The following COPG2 variants were observed in gnomAD, a reference collection of about 807,000 sequenced individuals.
COPG2 encodes the protein coat protein complex I subunit gamma 2, also known as coatomer subunit gamma-2.
COPG2 carries 37 observed loss-of-function variants against 46.3 expected under a neutral mutation model. The ratio of observed to expected loss-of-function variants is 0.80; its 90% CI spans 0.61 to 1.05. The LOEUF (loss-of-function observed/expected upper bound fraction) is 1.05, where lower values mean the gene tolerates loss of function less well. Ranked by LOEUF, COPG2 falls within the 50% of genes least tolerant of loss-of-function variation. The pLI, the probability that COPG2 is intolerant of heterozygous loss-of-function variation, is 0.00. For missense variants in COPG2, 427 were observed against 387.8 expected (o/e 1.10, Z -0.85); for synonymous variants, 159 against 129.7 (o/e 1.23, Z -1.53).
intron 20 of COPG2, among the ~76,000 whole-genome samples, chr7:130,513,438 C>T (rs1799644966): frequency 7.1e-6 from 1 of 140,456 alleles, no homozygotes; most frequent in South Asian, 2.3e-4. Flanking sequence ...TAGGGAAGGG[C>T]ATTAAAGAGG....
intron 9 of COPG2, among the ~76,000 whole-genome samples, chr7:130,580,180 G>C (rs1391644871): frequency 6.6e-6 from 1 of 152,076 alleles, no homozygotes; most frequent in African/African-American, 2.4e-5. Flanking sequence ...TAGAACTCAG[G>C]ATTAAGAAAC....
intron 12 of COPG2, among the ~76,000 whole-genome samples, chr7:130,558,258 T>C (rs1373450188): frequency 6.6e-6 from 1 of 152,170 alleles, no homozygotes; most frequent in East Asian, 1.9e-4. Flanking sequence ...TGGGGGCGGA[T>C]TTCCCTGCTG....
chr7:130,612,829 G>A (rs1362122272), intron 7 of COPG2, among the ~76,000 whole-genome samples: 1 of 152,124 alleles, frequency 6.6e-6, no homozygotes, highest in African/African-American at 2.4e-5. Context: ...AAGGATACAC[G>A]TAGACAAAGG....
At chr7:130,530,347 G>A (rs1270456475) in intron 20 of COPG2, among the ~76,000 whole-genome samples, 1 of 152,136 alleles carries the variant, frequency 6.6e-6, no homozygotes, top group Non-Finnish European at 1.5e-5. Flanking sequence ...ACTGGCTGTG[G>A]AGTTTTGTGG....
At chr7:130,610,431 T>C (rs1554451852) in intron 9 of COPG2, 2 of 430,012 alleles carry the variant, frequency 4.7e-6, no homozygotes, top group African/African-American at 4.1e-5. Flanking sequence ...GCCATAAGCC[T>C]TCAGGCTGGG....
At chr7:130,604,289 T>C (rs973528191) in intron 9 of COPG2, among the ~76,000 whole-genome samples, 6 of 152,298 alleles carry the variant, frequency 3.9e-5, no homozygotes, top group African/African-American at 7.2e-5. Flanking sequence ...GTGGAATCCA[T>C]AGGTCAATTT....
chr7:130,543,213 A>G (rs943506795), intron 20 of COPG2, among the ~76,000 whole-genome samples: 7 of 152,302 alleles, frequency 4.6e-5, no homozygotes, highest in Non-Finnish European at 8.8e-5. Flanking sequence ...TCTCCAACAA[A>G]ATTAGCAGAG....
intron 4 of COPG2, among the ~76,000 whole-genome samples, chr7:130,653,374 C>T (rs1381887162): frequency 6.6e-6 from 1 of 152,212 alleles, no homozygotes; most frequent in Non-Finnish European, 1.5e-5. Flanking sequence ...CTGCCGCAGC[C>T]TCCTGGGTAG....
chr7:130,557,285 G>A (rs1793642600), intron 12 of COPG2, among the ~76,000 whole-genome samples: 1 of 152,030 alleles, frequency 6.6e-6, no homozygotes, highest in Non-Finnish European at 1.5e-5. Flanking sequence ...TTAGAAATAA[G>A]CATTTTAAAA....
intron 9 of COPG2, among the ~76,000 whole-genome samples, chr7:130,590,040 C>T (rs1794363885): frequency 6.6e-6 from 1 of 151,994 alleles, no homozygotes; most frequent in African/African-American, 2.4e-5. Flanking sequence ...TTTTATTTTT[C>T]CTATCAAAAG....
intron 4 of COPG2, among the ~76,000 whole-genome samples, chr7:130,658,608 T>TA (rs1207443829): frequency 1.3e-5 from 2 of 151,686 alleles, no homozygotes; most frequent in African/African-American, 4.8e-5. Flanking sequence ...AGGAAATATT[T>TA]ACAAAACATC....
At chr7:130,509,941 C>T (rs1799570152) in intron 20 of COPG2, 1 of 471,194 alleles carries the variant, frequency 2.1e-6, no homozygotes, top group Non-Finnish European at 4.3e-6. Flanking sequence ...GGAAGATGTA[C>T]AAACAGGCAA....
intron 20 of COPG2, chr7:130,511,644 A>G (rs782689174): frequency 3.9e-6 from 2 of 516,062 alleles, no homozygotes; most frequent in East Asian, 1.1e-4. Context: ...CTGGGCCAAA[A>G]GTCATAAGAG....
chr7:130,611,404 C>T (rs1554452077), intron 8 of COPG2, among the ~76,000 whole-genome samples: 1 of 152,180 alleles, frequency 6.6e-6, no homozygotes, highest in African/African-American at 2.4e-5. Context: ...AGTACACACG[C>T]TCTCGGGTCC....
chr7:130,518,729 C>T (rs1799699853), intron 20 of COPG2, among the ~76,000 whole-genome samples: 1 of 152,086 alleles, frequency 6.6e-6, no homozygotes, highest in African/African-American at 2.4e-5. Flanking sequence ...GTAGGCTGGG[C>T]ACAGTTGCTC....
chr7:130,655,187 G>A (rs1554459733), intron 4 of COPG2, among the ~76,000 whole-genome samples: 1 of 151,842 alleles, frequency 6.6e-6, no homozygotes, highest in East Asian at 1.9e-4. Flanking sequence ...TTATTTTGGT[G>A]TATGATCTTA....
chr7:130,600,673 T>C (rs1172089151), intron 9 of COPG2, among the ~76,000 whole-genome samples: 1 of 152,228 alleles, frequency 6.6e-6, no homozygotes, highest in African/African-American at 2.4e-5. Context: ...ACATTTTTTA[T>C]ATATTTATTT....
At chr7:130,509,424 G>A (rs368799253) in intron 20 of COPG2, 1 of 404,054 alleles carries the variant, frequency 2.5e-6, no homozygotes, top group African/African-American at 2.1e-5. Flanking sequence ...TTAGGATCTT[G>A]TCTATGGTCT....
At chr7:130,613,438 A>G in intron 7 of COPG2, 106 bp downstream of exon 7, 1 of 749,624 alleles carries the variant, frequency 1.3e-6, no homozygotes, top group Non-Finnish European at 2.3e-6. Flanking sequence ...AGAGGTGTAT[A>G]CATATTTTTA....
Sources: allele counts gnomAD v4.1 joint callset (sites outside exome capture counted in the v4.1 genomes callset), GRCh38; gene constraint gnomAD v4.1.1; transcripts MANE v1.5; gene names NCBI Gene and HGNC (gene_info 2026-07-23, HGNC 2026-07-21).